The following ARHGAP24 variants were observed in gnomAD, a reference collection of about 807,000 sequenced individuals.
ARHGAP24 encodes Rho GTPase activating protein 24.
Under a neutral mutation model 76.4 loss-of-function variants are expected in ARHGAP24, and 50 were observed. The ratio of observed to expected loss-of-function variants is 0.65; its 90% confidence interval spans 0.52 to 0.83. ARHGAP24 has a LOEUF of 0.83. Ranked by LOEUF, ARHGAP24 falls within the 40% of genes least tolerant of loss-of-function variation. The probability of loss-of-function intolerance (pLI) is 0.00; values close to 1 mark genes in which losing one functional copy is unlikely to be tolerated. For synonymous variants in ARHGAP24, 345 were observed against 323.3 expected, an observed-to-expected ratio of 1.07 and a Z score of -0.72; for missense variants, 930 against 914.2, an observed-to-expected ratio of 1.02 and a Z score of -0.22.
intron 2 of ARHGAP24, among the ~76,000 whole-genome samples, chr4:85,589,756 T>C (rs1728007974): frequency 1.3e-5 from 2 of 152,238 alleles, no homozygotes; most frequent in Admixed American, 6.5e-5. Context: ...TAGGTCAAAA[T>C]ACTTTAATAA....
intron 1 of ARHGAP24, among the ~76,000 whole-genome samples, chr4:85,545,907 T>C (rs1330410041): frequency 1.3e-5 from 2 of 152,200 alleles, no homozygotes; most frequent in Non-Finnish European, 2.9e-5. Flanking sequence ...GGGGCTATTC[T>C]ACACTAGAAA....
chr4:85,579,433 AT>A (rs1416150118), intron 2 of ARHGAP24, among the ~76,000 whole-genome samples: 1 of 142,632 alleles, frequency 7.0e-6, no homozygotes, highest in African/African-American at 2.6e-5. Flanking sequence ...TTAAAAGCCT[AT>A]TTTTTTGCCC....
At chr4:85,903,658 TA>T (rs1167486359) in intron 3 of ARHGAP24, among the ~76,000 whole-genome samples, 1 of 152,122 alleles carries the variant, frequency 6.6e-6, no homozygotes, top group Non-Finnish European at 1.5e-5. Context: ...TTTAGAGCTT[TA>T]AAAAATATAT....
intron 6 of ARHGAP24, among the ~76,000 whole-genome samples, chr4:85,972,697 C>T (rs1739060423): frequency 6.6e-6 from 1 of 152,136 alleles, no homozygotes; most frequent in Non-Finnish European, 1.5e-5. Context: ...AGAATATTTA[C>T]AATATTTTTA....
At chr4:85,842,245 C>T (rs2110150370) in intron 3 of ARHGAP24, among the ~76,000 whole-genome samples, 1 of 152,292 alleles carries the variant, frequency 6.6e-6, no homozygotes, top group East Asian at 1.9e-4. Flanking sequence ...GTTCACTTTA[C>T]ATGCAAATCC....
intron 2 of ARHGAP24, among the ~76,000 whole-genome samples, chr4:85,621,375 A>G (rs1405107788): frequency 1.3e-5 from 2 of 152,136 alleles, no homozygotes; most frequent in Non-Finnish European, 2.9e-5. Flanking sequence ...AATAATTTAC[A>G]TTCCCACCAA....
At chr4:85,844,876 G>A (rs1212394177) in intron 3 of ARHGAP24, among the ~76,000 whole-genome samples, 1 of 152,210 alleles carries the variant, frequency 6.6e-6, no homozygotes, top group Non-Finnish European at 1.5e-5. Context: ...TATTGCAGAT[G>A]TAGGTGTATA....
chr4:85,994,270 T>G (rs139578460), intron 8 of ARHGAP24, among the ~76,000 whole-genome samples: 83 of 152,296 alleles, frequency 5.4e-4, no homozygotes, highest in African/African-American at 1.9e-3. Context: ...AAGCCCTGGG[T>G]CTGGTCCTTA....
intron 3 of ARHGAP24, among the ~76,000 whole-genome samples, chr4:85,899,930 G>A (rs1367415550): frequency 6.6e-6 from 1 of 152,136 alleles, no homozygotes; most frequent in South Asian, 2.1e-4. Context: ...AATACAAAAT[G>A]TGATGAAGCT....
intron 4 of ARHGAP24, among the ~76,000 whole-genome samples, chr4:85,928,625 A>AT (rs986458815): frequency 6.6e-6 from 1 of 151,244 alleles, no homozygotes; most frequent in Non-Finnish European, 1.5e-5. Context: ...ATCCACCTAA[A>AT]TTTTTTTTGT....
rs1005702308 is a variant in ARHGAP24 at position 86,000,776 on chromosome 4, G to A, written c.*54G>A. On this transcript the variant is annotated 3_prime_UTR_variant, in exon 10 of 10. Transcript: ENST00000395184. ...CTCTGGCAAGGACTCCAGGGATTCTGGTGGGATATGACTTAGAACCAGGTG... is the reference window on the plus strand; with the variant it reads ...CTCTGGCAAGGACTCCAGGGATTCTAGTGGGATATGACTTAGAACCAGGTG... The A allele has an allele frequency of 5.0e-6, 8 of 1,610,904 alleles. No individual in the cohort carries two copies. The highest frequency in any genetic ancestry group is 6.8e-6 in the Non-Finnish European group (8 of 1,178,306).
rs201431584 is a variant in ARHGAP24 at position 85,632,972 on chromosome 4, A to AT, written c.180+62260dup. On this transcript the variant is annotated intron_variant, in intron 2 of 9. Transcript: ENST00000395184. Reference sequence around the variant, plus strand: ...TTTTGGTTTTGTTCCAATGGGTAACATTTTTTTTTCTTTTATATGTATGCT... The same window carrying AT: ...TTTTGGTTTTGTTCCAATGGGTAACATTTTTTTTTTCTTTTATATGTATGCT... Among the ~76,000 whole-genome samples, 67 of 150,694 alleles carry AT rather than the reference A, an allele frequency of 4.4e-4. No homozygotes were observed. In the East Asian group the frequency reaches 6.2e-3, roughly 14 times the overall value.
At position 85,977,668 on chromosome 4, in the gene ARHGAP24, A is replaced by C; in HGVS notation, c.905A>C (p.Glu302Ala). 1 of 1,613,896 alleles carries C rather than the reference A, an allele frequency of 6.2e-7. No individual in the cohort carries two copies. Among genetic ancestry groups the C allele is most frequent in the Non-Finnish European group, 8.5e-7 (1 of 1,179,818 alleles). ...FGPNILRPKV[E>A]DPLTIMEGTV... ...CCTAATATCCTGCGCCCCAAAGTGG[A>C]AGATCCTTTGACTATCATGGAGGGT... The change falls in exon 8 of 10, where the codon GAA becomes GCA. Residue 302 changes from glutamate (E) to alanine (A), a missense_variant. Physicochemically the swap from Glu to Ala is moderately radical, Grantham distance 107. Coordinates refer to ENST00000395184, the MANE Select transcript of ARHGAP24 (RefSeq NM_001025616.3).
chr4:85,838,843 T>C (rs1730436423), intron 3 of ARHGAP24, among the ~76,000 whole-genome samples: 1 of 152,150 alleles, frequency 6.6e-6, no homozygotes, highest in Admixed American at 6.5e-5. Context: ...GCTCTGTTCT[T>C]CATTCGCATG....
chr4:85,827,816 G>C, intron 3 of ARHGAP24: 2 of 882,958 alleles, frequency 2.3e-6, no homozygotes, highest in Non-Finnish European at 3.2e-6. Flanking sequence ...ATTCCTGGGT[G>C]ATGGAGTCAT....
At chr4:85,807,173 A>G (rs1728826432) in intron 3 of ARHGAP24, among the ~76,000 whole-genome samples, 1 of 152,116 alleles carries the variant, frequency 6.6e-6, no homozygotes, top group Non-Finnish European at 1.5e-5. Flanking sequence ...GGTGTGTTAC[A>G]TAGGTATACA....
At chr4:85,978,230 A>G (rs934078385) in intron 8 of ARHGAP24, among the ~76,000 whole-genome samples, 3 of 152,206 alleles carry the variant, frequency 2.0e-5, no homozygotes, top group Admixed American at 1.3e-4. Flanking sequence ...TAGGTGCTCT[A>G]TGTCATTAAT....
At chr4:85,854,207 T>C (rs1481290769) in intron 3 of ARHGAP24, among the ~76,000 whole-genome samples, 1 of 145,994 alleles carries the variant, frequency 6.8e-6, no homozygotes, top group Non-Finnish European at 1.5e-5. Flanking sequence ...TCTATTCAAA[T>C]AAACATAAAT....
chr4:85,902,333 A>G (rs1213299150), intron 3 of ARHGAP24, among the ~76,000 whole-genome samples: 1 of 152,210 alleles, frequency 6.6e-6, no homozygotes, highest in Non-Finnish European at 1.5e-5. Context: ...ACTAGAGCCT[A>G]CAGATCTATG....
Sources: gnomAD v4.1 joint callset for allele counts (sites outside exome capture counted in the v4.1 genomes callset) on GRCh38, gnomAD v4.1.1 for gene constraint, MANE v1.5 for transcripts, NCBI Gene and HGNC (gene_info 2026-07-23, HGNC 2026-07-21) for gene names.